USH2A: variants seen among roughly 807,000 people sequenced by gnomAD.
USH2A encodes usherin, also known as Usher syndrome 2A (autosomal recessive, mild).
USH2A carries 443 observed loss-of-function variants against 538.9 expected under a neutral mutation model. That is an observed-to-expected ratio of 0.82 (90% confidence interval 0.76 to 0.89). USH2A has a LOEUF of 0.89. Ranked by LOEUF, USH2A falls within the 40% of genes least tolerant of loss-of-function variation. The pLI is 0.00. For synonymous variants in USH2A, 2,413 were observed against 2,273.5 expected, an observed-to-expected ratio of 1.06 and a Z score of -1.75; for missense variants, 6,633 against 6,324.8, an observed-to-expected ratio of 1.05 and a Z score of -1.65.
chr1:215,847,929 G>A (rs559298486), intron 44 of USH2A, among the ~76,000 whole-genome samples: 20 of 152,120 alleles, frequency 1.3e-4, no homozygotes, highest in South Asian at 2.1e-4. Flanking sequence ...ATAGTTAAAA[G>A]GGTATGATGT....
At chr1:216,159,045 A>G (rs2034002976) in intron 21 of USH2A, among the ~76,000 whole-genome samples, 1 of 152,158 alleles carries the variant, frequency 6.6e-6, no homozygotes, top group Non-Finnish European at 1.5e-5. Flanking sequence ...ATTTCTGTAC[A>G]TTGACCTTTA....
chr1:215,625,942 A>G (rs757516770), intron 71 of USH2A, 72 bp from the exon 72 acceptor site: 49 of 1,435,022 alleles, frequency 3.4e-5, no homozygotes, highest in Non-Finnish European at 4.9e-6. Flanking sequence ...TTATAGTTAT[A>G]TCAATTAAGT....
chr1:215,747,497 A>G (rs1362421219), intron 58 of USH2A, among the ~76,000 whole-genome samples: 1 of 152,200 alleles, frequency 6.6e-6, no homozygotes, highest in Non-Finnish European at 1.5e-5. Flanking sequence ...TGAGAGCTGG[A>G]TAAGGAGAAT....
At chr1:216,256,259 A>G (rs2036256689) in intron 11 of USH2A, among the ~76,000 whole-genome samples, 1 of 148,558 alleles carries the variant, frequency 6.7e-6, no homozygotes, top group Non-Finnish European at 1.5e-5. Context: ...TGATATGATT[A>G]TGTTTAAATC....
intron 64 of USH2A, among the ~76,000 whole-genome samples, chr1:215,659,585 T>C (rs1184256621): frequency 6.6e-6 from 1 of 152,194 alleles, no homozygotes; most frequent in Non-Finnish European, 1.5e-5. Context: ...GACAATACCC[T>C]AGCCTTAAAG....
intron 61 of USH2A, among the ~76,000 whole-genome samples, chr1:215,713,248 C>A (rs1659390029): frequency 6.6e-6 from 1 of 152,150 alleles, no homozygotes; most frequent in Non-Finnish European, 1.5e-5. Context: ...CCACTATTTA[C>A]TGAGTGCCGT....
chr1:215,793,526 A>G (rs576765266), intron 50 of USH2A, among the ~76,000 whole-genome samples: 6 of 152,294 alleles, frequency 3.9e-5, no homozygotes, highest in South Asian at 2.1e-4. Context: ...TGCTCCCCAA[A>G]TCATTGTGAT....
chr1:216,315,720 T>C (rs987204830), intron 9 of USH2A, among the ~76,000 whole-genome samples: 1 of 152,188 alleles, frequency 6.6e-6, no homozygotes, highest in Admixed American at 6.6e-5. Context: ...TATATAAATC[T>C]ATAATTATCT....
chr1:216,184,272 C>T (rs546165869), intron 20 of USH2A, among the ~76,000 whole-genome samples: 1 of 152,006 alleles, frequency 6.6e-6, no homozygotes, highest in African/African-American at 2.4e-5. Flanking sequence ...AAAGGTGAAG[C>T]AAATTCATTT....
At chr1:216,055,092 T>C (rs952133470) in intron 30 of USH2A, among the ~76,000 whole-genome samples, 1 of 152,196 alleles carries the variant, frequency 6.6e-6, no homozygotes, top group Admixed American at 6.5e-5. Flanking sequence ...TTTATCTTTA[T>C]ATTCTACTGC....
At chr1:216,084,209 C>T (rs185860107) in intron 25 of USH2A, among the ~76,000 whole-genome samples, 2 of 152,032 alleles carry the variant, frequency 1.3e-5, no homozygotes, top group African/African-American at 4.8e-5. Flanking sequence ...GCCTTTTGAG[C>T]AATGGCAGGG....
intron 3 of USH2A, among the ~76,000 whole-genome samples, chr1:216,373,897 T>C (rs1479445530): frequency 6.6e-6 from 1 of 151,958 alleles, no homozygotes; most frequent in African/African-American, 2.4e-5. Context: ...ATGTGGCACA[T>C]ATACACCATG....
intron 21 of USH2A, among the ~76,000 whole-genome samples, chr1:216,147,663 C>T (rs1274440547): frequency 6.6e-6 from 1 of 150,922 alleles, no homozygotes; most frequent in Non-Finnish European, 1.5e-5. Flanking sequence ...TTTAATTAAC[C>T]TCGCCTTCAA....
rs749276505 is a variant in USH2A, at chr1:215,900,742, G to A, written c.7451+13C>T. The A allele has an allele frequency of 6.2e-7, 1 of 1,613,536 alleles. No individual in the cohort carries two copies. On this transcript the variant is annotated intron_variant, in intron 39 of 71. Transcript: ENST00000307340. ...TAACCCAGCTGATAGAATGGACAAA[G>A]TAGAATGCTCACTCTAGAAATCCAT...
chr1:215,692,912 AT>A (rs896451442), intron 61 of USH2A, among the ~76,000 whole-genome samples: 9 of 149,320 alleles, frequency 6.0e-5, no homozygotes, highest in Non-Finnish European at 1.2e-4. Flanking sequence ...TTCGTTTTTA[AT>A]TTTTTTTTGA....
At chr1:216,223,124 G>C (rs1378901559) in intron 14 of USH2A, among the ~76,000 whole-genome samples, 1 of 151,508 alleles carries the variant, frequency 6.6e-6, no homozygotes, top group African/African-American at 2.4e-5. Context: ...CTGATTTCCA[G>C]AACTATAAGA....
chr1:216,043,512 A>G (rs1052883025), intron 32 of USH2A, among the ~76,000 whole-genome samples: 1 of 152,114 alleles, frequency 6.6e-6, no homozygotes, highest in Non-Finnish European at 1.5e-5. Context: ...GAATCAATCT[A>G]TTACCATGGA....
At chr1:216,004,526 T>C (rs1405648467) in intron 32 of USH2A, among the ~76,000 whole-genome samples, 1 of 152,210 alleles carries the variant, frequency 6.6e-6, no homozygotes. Flanking sequence ...AATTGAAGTT[T>C]CAGTGAACTT....
At chr1:216,056,796 G>GTGTGTGTGTT (rs1443461633) in intron 30 of USH2A, among the ~76,000 whole-genome samples, 1 of 150,810 alleles carries the variant, frequency 6.6e-6, no homozygotes, top group African/African-American at 2.5e-5. Flanking sequence ...GTGTGTGTGT[G>GTGTGTGTGTT]TGTGTGTGAG....
Sources: allele counts gnomAD v4.1 joint callset (sites outside exome capture counted in the v4.1 genomes callset), GRCh38; gene constraint gnomAD v4.1.1; transcripts MANE v1.5; gene names NCBI Gene and HGNC (gene_info 2026-07-23, HGNC 2026-07-21).